SLC44A5: variants seen among roughly 807,000 people sequenced by gnomAD.
The protein encoded by SLC44A5 is solute carrier family 44 member 5.
In SLC44A5, 57 loss-of-function variants were observed where a neutral mutation model predicts 101.8. The ratio of observed to expected loss-of-function variants is 0.56; its 90% CI spans 0.45 to 0.70. The LOEUF is 0.70. SLC44A5 is among the 30% of genes least tolerant of loss of function. The pLI is 0.00. For missense variants in SLC44A5, 737 were observed against 853.1 expected, an observed-to-expected ratio of 0.86 and a Z score of 1.70; for synonymous variants, 281 against 290.9, an observed-to-expected ratio of 0.97 and a Z score of 0.35.
chr1:75,266,882 A>G (rs1397627369), intron 6 of SLC44A5, among the ~76,000 whole-genome samples: 1 of 152,230 alleles, frequency 6.6e-6, no homozygotes, highest in Non-Finnish European at 1.5e-5. Flanking sequence ...TCAGGCAGTG[A>G]TAAGTATCTA....
chr1:75,207,189 G>C (rs981310627), intron 23 of SLC44A5, among the ~76,000 whole-genome samples: 1 of 152,082 alleles, frequency 6.6e-6, no homozygotes, highest in Non-Finnish European at 1.5e-5. Flanking sequence ...TGAGGCCCAG[G>C]GATATAAAAC....
intron 2 of SLC44A5, among the ~76,000 whole-genome samples, chr1:75,540,506 T>C (rs1671300958): frequency 6.6e-6 from 1 of 152,186 alleles, no homozygotes; most frequent in Non-Finnish European, 1.5e-5. Flanking sequence ...GTACAATGTA[T>C]TTGCAGCCTT....
the SLC44A5 span, among the ~76,000 whole-genome samples, chr1:75,680,593 C>T: frequency 1.3e-5 from 2 of 151,344 alleles, no homozygotes; most frequent in Non-Finnish European, 2.9e-5. Flanking sequence ...ACCAGAATCT[C>T]TGGGACGCAT....
chr1:75,457,956 G>A (rs1237306971), intron 2 of SLC44A5, among the ~76,000 whole-genome samples: 1 of 152,118 alleles, frequency 6.6e-6, no homozygotes, highest in African/African-American at 2.4e-5. Flanking sequence ...CTTGTAGCAT[G>A]TGTCAAACCC....
At position 75,464,263 on chromosome 1, in the gene SLC44A5, T is replaced by G. The variant is rs1056852136; in HGVS notation, c.14-67642A>C. Among the ~76,000 whole-genome samples the G allele has an allele frequency of 9.5e-5, 13 of 136,206 alleles. 1 individual carries two copies. The highest frequency in any genetic ancestry group is 5.1e-4 in the Admixed American group (7 of 13,840). The allele number at this position is 136,206 out of a possible 152,430, so 89.4% of individuals were successfully genotyped here. A position where few individuals can be genotyped will look rare whatever the true frequency, so the allele number is the denominator to read the frequency against. On this transcript the variant is annotated intron_variant, in intron 2 of 23. Coordinates refer to ENST00000370859, the MANE Select transcript of SLC44A5 (RefSeq NM_001130058.2). Reference sequence around the variant, plus strand: ...AAAAAAGCAAGAAAGAAGAAAAAGGTAAAAAGCAGGAGGACAAAGCTAAGG... The same window carrying G: ...AAAAAAGCAAGAAAGAAGAAAAAGGGAAAAAGCAGGAGGACAAAGCTAAGG...
chr1:75,484,815 A>G (rs1668068601), intron 2 of SLC44A5, among the ~76,000 whole-genome samples: 1 of 152,226 alleles, frequency 6.6e-6, no homozygotes, highest in South Asian at 2.1e-4. Context: ...GCACAACTGT[A>G]AGCCCAACAC....
chr1:75,255,176 C>T (rs1275204354), intron 6 of SLC44A5, among the ~76,000 whole-genome samples: 5 of 152,064 alleles, frequency 3.3e-5, no homozygotes, highest in Admixed American at 3.3e-4. Context: ...CAAATCCACC[C>T]AAACCACCCA....
chr1:75,642,760 A>G, the SLC44A5 span, among the ~76,000 whole-genome samples: 32 of 152,262 alleles, frequency 2.1e-4, 1 homozygote, highest in South Asian at 6.6e-3. Context: ...CAAAGTCTCA[A>G]GAGGCAGAAA....
the SLC44A5 span, among the ~76,000 whole-genome samples, chr1:75,669,658 T>A: frequency 6.6e-6 from 1 of 151,878 alleles, no homozygotes; most frequent in Non-Finnish European, 1.5e-5. Flanking sequence ...CACTATAAGT[T>A]CTCCCTTACG....
At chr1:75,684,410 T>C in the SLC44A5 span, among the ~76,000 whole-genome samples, 1 of 152,084 alleles carries the variant, frequency 6.6e-6, no homozygotes, top group East Asian at 1.9e-4. Context: ...AAAGTCCAAG[T>C]CCAAAGTCTC....
chr1:75,371,189 C>T (rs140282268), intron 3 of SLC44A5, among the ~76,000 whole-genome samples: 9 of 152,162 alleles, frequency 5.9e-5, no homozygotes, highest in Non-Finnish European at 1.2e-4. Context: ...ACCCCATTTG[C>T]GAAGGCAGGG....
At chr1:75,429,265 T>A (rs1329743397) in intron 2 of SLC44A5, among the ~76,000 whole-genome samples, 1 of 152,226 alleles carries the variant, frequency 6.6e-6, no homozygotes, top group Non-Finnish European at 1.5e-5. Context: ...TGTGCCCCTC[T>A]AGGTAGCAGT....
chr1:75,398,277 C>T, intron 2 of SLC44A5: 1 of 410,884 alleles, frequency 2.4e-6, no homozygotes, highest in African/African-American at 2.2e-5. Flanking sequence ...TATATAATAA[C>T]AGTGGTCAGC....
At chr1:75,232,436 G>A (rs1020751121) in intron 12 of SLC44A5, among the ~76,000 whole-genome samples, 1 of 151,970 alleles carries the variant, frequency 6.6e-6, no homozygotes, top group Non-Finnish European at 1.5e-5. Flanking sequence ...AAAACAAGAT[G>A]TTTAAACAAC....
At chr1:75,567,956 C>T (rs1672874712) in intron 1 of SLC44A5, among the ~76,000 whole-genome samples, 1 of 152,142 alleles carries the variant, frequency 6.6e-6, no homozygotes, top group African/African-American at 2.4e-5. Flanking sequence ...GCTATTGCTA[C>T]CCCATGGCTG....
At chr1:75,708,294 A>C in the SLC44A5 span, among the ~76,000 whole-genome samples, 1 of 151,180 alleles carries the variant, frequency 6.6e-6, no homozygotes, top group Non-Finnish European at 1.5e-5. Flanking sequence ...TGCGCCTGTT[A>C]TCCCAGCTAA....
At chr1:75,715,214 A>C in the SLC44A5 span, among the ~76,000 whole-genome samples, 9 of 152,222 alleles carry the variant, frequency 5.9e-5, no homozygotes, top group African/African-American at 2.2e-4. Context: ...GAATGACTAT[A>C]CTTCCCAAAG....
intron 3 of SLC44A5, among the ~76,000 whole-genome samples, chr1:75,354,908 T>C (rs1380900688): frequency 6.6e-6 from 1 of 152,198 alleles, no homozygotes; most frequent in Non-Finnish European, 1.5e-5. Context: ...CACATGGGAT[T>C]CTGACACCAA....
intron 3 of SLC44A5, among the ~76,000 whole-genome samples, chr1:75,384,159 A>C (rs1399835982): frequency 6.6e-6 from 1 of 152,120 alleles, no homozygotes; most frequent in Non-Finnish European, 1.5e-5. Flanking sequence ...TAACGAGCAA[A>C]ATAACCAGCT....
Sources: gnomAD v4.1 joint callset for allele counts (sites outside exome capture counted in the v4.1 genomes callset) on GRCh38, gnomAD v4.1.1 for gene constraint, MANE v1.5 for transcripts, NCBI Gene and HGNC (gene_info 2026-07-23, HGNC 2026-07-21) for gene names.